The following SLC30A7 variants were observed in gnomAD, a reference collection of about 807,000 sequenced individuals.
SLC30A7 encodes the protein zinc transporter 7.
Under a neutral mutation model 46.0 loss-of-function variants are expected in SLC30A7, and 35 were observed. That is an observed-to-expected ratio of 0.76 (90% confidence interval 0.58 to 1.01). The LOEUF is 1.01. Among genes scored for constraint, SLC30A7 ranks in the 50% least tolerant of loss-of-function variants. The pLI, the probability that SLC30A7 is intolerant of heterozygous loss-of-function variation, is 0.00. For synonymous variants in SLC30A7, 147 were observed against 157.8 expected (o/e 0.93, Z 0.51); for missense variants, 464 against 451.1 (o/e 1.03, Z -0.26).
At chr1:100,946,562 G>A (rs1286927549) in intron 8 of SLC30A7, among the ~76,000 whole-genome samples, 2 of 152,086 alleles carry the variant, frequency 1.3e-5, no homozygotes, top group Admixed American at 1.3e-4. Context: ...TTTGTAGTTG[G>A]TTCAGTTTAT....
chr1:100,964,351 TATACATATGTATATGTATATATA>T (rs1655744628), intron 9 of SLC30A7, among the ~76,000 whole-genome samples: 1 of 106,496 alleles, frequency 9.4e-6, no homozygotes, highest in African/African-American at 4.4e-5. Context: ...TATATATACA[TATACATATGTATATGTATATATA>T]ACATATGTTA....
intron 8 of SLC30A7, among the ~76,000 whole-genome samples, chr1:100,955,147 T>G (rs1355418663): frequency 2.0e-5 from 3 of 152,084 alleles, no homozygotes; most frequent in Non-Finnish European, 2.9e-5. Flanking sequence ...AGACTGTTCT[T>G]CAGAAGTTTT....
intron 8 of SLC30A7, 70 bp downstream of exon 8, chr1:100,921,911 T>C: frequency 7.7e-7 from 1 of 1,294,932 alleles, no homozygotes; most frequent in Non-Finnish European, 1.1e-6. Context: ...AAATTATAGG[T>C]CTAAAATACA....
At chr1:100,907,790 T>G (rs2101011106) in intron 3 of SLC30A7, among the ~76,000 whole-genome samples, 1 of 152,152 alleles carries the variant, frequency 6.6e-6, no homozygotes, top group South Asian at 2.1e-4. Flanking sequence ...TGTCTCTCAC[T>G]CTTGTTCCCT....
chr1:100,924,878 G>A (rs986111636), intron 8 of SLC30A7, among the ~76,000 whole-genome samples: 13 of 152,074 alleles, frequency 8.5e-5, no homozygotes, highest in African/African-American at 3.1e-4. Context: ...TAACACACAT[G>A]AAGAAAACTG....
the SLC30A7 span, among the ~76,000 whole-genome samples, chr1:100,988,300 C>A: frequency 6.6e-6 from 1 of 152,108 alleles, no homozygotes. Context: ...CTGGGAAAGA[C>A]CGAAGGGGAA....
chr1:100,932,973 T>G (rs1287852879), intron 8 of SLC30A7, among the ~76,000 whole-genome samples: 1 of 149,518 alleles, frequency 6.7e-6, no homozygotes, highest in Non-Finnish European at 1.5e-5. Context: ...CTCTTTTTCT[T>G]TTTTCTTTTT....
At chr1:100,915,173 T>TTTTTC (rs1241140954) in intron 6 of SLC30A7, among the ~76,000 whole-genome samples, 2 of 149,430 alleles carry the variant, frequency 1.3e-5, no homozygotes, top group African/African-American at 4.9e-5. Flanking sequence ...CTTCTTTTCT[T>TTTTTC]TTTTCTTTTC....
At chr1:100,960,937 T>A (rs1037926226) in intron 8 of SLC30A7, among the ~76,000 whole-genome samples, 1 of 147,532 alleles carries the variant, frequency 6.8e-6, no homozygotes, top group African/African-American at 2.5e-5. Context: ...TACTATTAAT[T>A]GTTTTGTGTG....
At chr1:100,936,100 C>G (rs900275424) in intron 8 of SLC30A7, among the ~76,000 whole-genome samples, 1 of 149,840 alleles carries the variant, frequency 6.7e-6, no homozygotes, top group Non-Finnish European at 1.5e-5. Flanking sequence ...TTTTTCTACT[C>G]CAGTGATTTT....
chr1:100,926,144 T>C (rs1653292475), intron 8 of SLC30A7, among the ~76,000 whole-genome samples: 1 of 152,220 alleles, frequency 6.6e-6, no homozygotes, highest in African/African-American at 2.4e-5. Context: ...TCTCTGTAAC[T>C]TACATAGATA....
Position 100,948,908 on chromosome 1 carries a change from T to C in SLC30A7, c.843-12920T>C, listed in dbSNP as rs1213725046. On this transcript the variant is annotated intron_variant, in intron 8 of 10. Coordinates refer to ENST00000357650, the MANE Select transcript of SLC30A7 (RefSeq NM_133496.5). ...CCCTTAGGTCATTTAAGGTCTTCTC[T>C]ACACTGTTTAGTTAGTCATTCATCT... Among the ~76,000 whole-genome samples, 2 of 152,240 alleles carry C rather than the reference T, an allele frequency of 1.3e-5. 1 individual carries two copies. Among genetic ancestry groups the C allele is most frequent in the Non-Finnish European group, 2.9e-5 (2 of 68,044 alleles).
At chr1:100,918,215 A>C (rs1193999517) in intron 7 of SLC30A7, 88 bp downstream of exon 7, 9 of 1,105,276 alleles carry the variant, frequency 8.1e-6, no homozygotes, top group Non-Finnish European at 1.2e-5. Flanking sequence ...TTCCTTTAAG[A>C]AAAATATAAA....
chr1:100,990,479 C>T, the SLC30A7 span: 1 of 1,614,112 alleles, frequency 6.2e-7, no homozygotes, highest in South Asian at 1.1e-5. Context: ...ATCTCCATCT[C>T]CATTGGATGT....
chr1:100,954,482 G>A (rs941102830), intron 8 of SLC30A7, among the ~76,000 whole-genome samples: 1 of 152,092 alleles, frequency 6.6e-6, no homozygotes, highest in Non-Finnish European at 1.5e-5. Flanking sequence ...TTACAAATTT[G>A]ACATTATACA....
At chr1:100,950,317 A>T (rs1355169715) in intron 8 of SLC30A7, among the ~76,000 whole-genome samples, 1 of 152,256 alleles carries the variant, frequency 6.6e-6, no homozygotes, top group African/African-American at 2.4e-5. Flanking sequence ...ACTTTGAGAT[A>T]TTCAATAAAA....
intron 8 of SLC30A7, among the ~76,000 whole-genome samples, chr1:100,946,486 A>G (rs182837297): frequency 1.3e-5 from 2 of 152,218 alleles, no homozygotes; most frequent in East Asian, 3.9e-4. Flanking sequence ...GAGAGTTTTT[A>G]AGCATTAAGT....
rs75010784 is a variant in SLC30A7, at chr1:100,950,329, A to C, written c.843-11499A>C. Among the ~76,000 whole-genome samples, 997 of 152,366 alleles carry C rather than the reference A, an allele frequency of 6.5e-3. 17 individuals carry two copies. Among genetic ancestry groups the C allele is most frequent in the African/African-American group, 0.021 (868 of 41,584 alleles). On this transcript the variant is annotated intron_variant, in intron 8 of 10. Transcript: ENST00000357650. ...CTTACTTTGAGATATTCAATAAAAA[A>C]TATATTCTCACAGTGTTATTTAAAA... is the stretch of plus-strand genomic sequence containing the variant.
the SLC30A7 span, among the ~76,000 whole-genome samples, chr1:100,988,485 A>T: frequency 6.6e-6 from 1 of 152,216 alleles, no homozygotes; most frequent in Non-Finnish European, 1.5e-5. Context: ...AGTTTAACAT[A>T]TGAGAAGAAA....
Sources: gnomAD v4.1 joint callset for allele counts (sites outside exome capture counted in the v4.1 genomes callset) on GRCh38, gnomAD v4.1.1 for gene constraint, MANE v1.5 for transcripts, NCBI Gene and HGNC (gene_info 2026-07-23, HGNC 2026-07-21) for gene names.